Variants in RUNX3 observed in about 807,000 individuals in gnomAD.
RUNX3 encodes runt-related transcription factor 3.
Under a neutral mutation model 27.7 loss-of-function variants are expected in RUNX3, and 10 were observed. The ratio of observed to expected loss-of-function variants is 0.36; its 90% confidence interval spans 0.22 to 0.61. The LOEUF (loss-of-function observed/expected upper bound fraction) is 0.61. Among genes scored for constraint, RUNX3 ranks in the 20% least tolerant of loss-of-function variants. RUNX3 has a pLI of 0.72. For missense variants in RUNX3, 469 were observed against 629.5 expected (o/e 0.75, Z 2.73); for synonymous variants, 270 against 269.2 (o/e 1.00, Z -0.03).
rs1255331098 is a variant in RUNX3 at position 24,916,471 on chromosome 1, TG to T, written c.544+2768del. Among the ~76,000 whole-genome samples, 1 of 152,174 alleles carries T rather than the reference TG, an allele frequency of 6.6e-6. No individual in the cohort carries two copies. Among genetic ancestry groups the T allele is most frequent in the Non-Finnish European group, 1.5e-5 (1 of 68,026 alleles). On this transcript the variant is annotated intron_variant, in intron 3 of 4. Coordinates refer to ENST00000308873, the MANE Select transcript of RUNX3 (RefSeq NM_004350.3). The surrounding 1 kb of genome is among the most constrained non-coding windows in gnomAD (Gnocchi z 4.8). ...TTGCGCCCTGGCCTCTATCCTCTCC[TG>T]GGGTTGCCCAAGAGATCAGTTACTG...
At chr1:24,957,709 C>T (rs756378591) in intron 2 of RUNX3, among the ~76,000 whole-genome samples, 4 of 152,186 alleles carry the variant, frequency 2.6e-5, no homozygotes, top group African/African-American at 7.2e-5. Flanking sequence ...TTGTCTGTGC[C>T]GGGCCCTGTG....
intron 2 of RUNX3, among the ~76,000 whole-genome samples, chr1:24,953,938 G>A (rs1164856121): frequency 6.6e-6 from 1 of 151,974 alleles, no homozygotes; most frequent in Non-Finnish European, 1.5e-5. Flanking sequence ...TTGGAGACCA[G>A]GTCTTGCTCT....
At chr1:24,922,740 A>C (rs1641022574) in intron 2 of RUNX3, among the ~76,000 whole-genome samples, 3 of 150,730 alleles carry the variant, frequency 2.0e-5, no homozygotes, top group African/African-American at 7.4e-5. Context: ...TGTTCTGAGA[A>C]AGGTGTGCGG....
chr1:24,950,288 A>T (rs1641724436), intron 2 of RUNX3, among the ~76,000 whole-genome samples: 1 of 152,162 alleles, frequency 6.6e-6, no homozygotes, highest in African/African-American at 2.4e-5. Context: ...ACCCTCACAG[A>T]TGCTCAGGGG....
At chr1:24,951,635 C>T (rs957976633) in intron 2 of RUNX3, among the ~76,000 whole-genome samples, 1 of 152,164 alleles carries the variant, frequency 6.6e-6, no homozygotes, top group Non-Finnish European at 1.5e-5. Context: ...CTCGTGGGGG[C>T]ACCACCAGCT....
Position 24,902,002 on chromosome 1 carries a change from G to T in RUNX3, c.*120C>A. ...GCTCCCACCAGCTGGGACCACCCTGGGACCGAGACCACCCTGGAGCGCAGG... is the reference window on the plus strand; with the variant it reads ...GCTCCCACCAGCTGGGACCACCCTGTGACCGAGACCACCCTGGAGCGCAGG... On this transcript the variant is annotated 3_prime_UTR_variant, in exon 5 of 5. Coordinates refer to ENST00000308873, the MANE Select transcript of RUNX3 (RefSeq NM_004350.3). The surrounding 1 kb of genome is among the most constrained non-coding windows in gnomAD (Gnocchi z 9.2). 2.1e-6 allele frequency: 2 copies of T among 956,074 alleles called. No individual in the cohort carries two copies. The highest frequency in any genetic ancestry group is 1.5e-6 in the Non-Finnish European group (1 of 662,116). 59.2% of individuals were successfully genotyped at this position (956,074 alleles called of 1,614,324 possible). A position where few individuals can be genotyped will look rare whatever the true frequency, so the allele number is the denominator to read the frequency against.
At chr1:24,914,805 G>T (rs368894396) in intron 3 of RUNX3, among the ~76,000 whole-genome samples, 18 of 152,140 alleles carry the variant, frequency 1.2e-4, no homozygotes, top group African/African-American at 4.3e-4. Flanking sequence ...CCCAACTGCG[G>T]GCTCAGGGTC....
intron 1 of RUNX3, chr1:24,929,374 A>C: frequency 1.4e-6 from 1 of 702,794 alleles, no homozygotes; most frequent in Non-Finnish European, 2.6e-6. Flanking sequence ...GGAGCGGGGC[A>C]ACCCCGTTAA....
intron 3 of RUNX3, among the ~76,000 whole-genome samples, chr1:24,908,832 G>C (rs1038009828): frequency 6.6e-6 from 1 of 152,200 alleles, no homozygotes; most frequent in African/African-American, 2.4e-5. Flanking sequence ...CCCAGGAGGG[G>C]ACTGCAGGCT....
Position 24,962,883 on chromosome 1 carries a change from C to G in RUNX3, c.58+1631G>C, listed in dbSNP as rs1642155427. On this transcript the variant is annotated intron_variant, in intron 2 of 6. Coordinates refer to the RUNX3 transcript ENST00000338888. This position sits in a 1 kb window ranked among gnomAD's most constrained non-coding sequence, Gnocchi z 4.5. ...CTCCCAAGGTTCCTTTGTTTTAAACCCTACATTTCTCCATCTTGCGCACGG... is the reference window on the plus strand; with the variant it reads ...CTCCCAAGGTTCCTTTGTTTTAAACGCTACATTTCTCCATCTTGCGCACGG... 1 of 152,184 alleles carries G rather than the reference C, an allele frequency of 6.6e-6. No homozygotes were observed. Among genetic ancestry groups the G allele is most frequent in the African/African-American group, 2.4e-5 (1 of 41,428 alleles). 9.4% of individuals were successfully genotyped at this position (152,184 alleles called of 1,614,324 possible).
intron 2 of RUNX3, among the ~76,000 whole-genome samples, chr1:24,924,437 G>A (rs1228468050): frequency 6.9e-6 from 1 of 145,474 alleles, no homozygotes; most frequent in Admixed American, 6.9e-5. Context: ...GGTTTTTTTT[G>A]TACTTTTAAT....
intron 3 of RUNX3, 53 bp downstream of exon 3, chr1:24,919,187 G>T (rs16830167): frequency 3.4e-6 from 4 of 1,163,560 alleles, no homozygotes; most frequent in Non-Finnish European, 3.7e-6. Flanking sequence ...TGTCCTTCCC[G>T]CACTGGACCC....
At chr1:24,960,813 A>G (rs1486322721) in intron 2 of RUNX3, among the ~76,000 whole-genome samples, 1 of 152,182 alleles carries the variant, frequency 6.6e-6, no homozygotes, top group African/African-American at 2.4e-5. Context: ...ACTGAGGCCC[A>G]GAGAGAGGAA....
chr1:24,945,475 G>A (rs1557855553), intron 2 of RUNX3, among the ~76,000 whole-genome samples: 1 of 152,190 alleles, frequency 6.6e-6, no homozygotes, highest in Admixed American at 6.5e-5. Flanking sequence ...TTTCATAGCC[G>A]CTTCAATATG....
intron 2 of RUNX3, among the ~76,000 whole-genome samples, chr1:24,936,550 C>T (rs1340054545): frequency 2.0e-5 from 3 of 152,224 alleles, no homozygotes; most frequent in Admixed American, 6.5e-5. Context: ...ATCCCCATTT[C>T]TCAAATGACA....
At chr1:24,945,993 C>T (rs1349432187) in intron 2 of RUNX3, among the ~76,000 whole-genome samples, 1 of 152,124 alleles carries the variant, frequency 6.6e-6, no homozygotes, top group African/African-American at 2.4e-5. Flanking sequence ...AGCTCTTTGG[C>T]ATGGGGCTTC....
chr1:24,961,351 G>A (rs539948290), intron 2 of RUNX3: 1 of 152,402 alleles, frequency 6.6e-6, no homozygotes, highest in African/African-American at 2.4e-5. Flanking sequence ...AAGACAAAAG[G>A]GAAGTCATCT....
chr1:24,921,435 C>G (rs1322571208), intron 2 of RUNX3, among the ~76,000 whole-genome samples: 1 of 152,196 alleles, frequency 6.6e-6, no homozygotes, highest in African/African-American at 2.4e-5. Context: ...TCTCTGGAAG[C>G]CTTTTCCTAA....
intron 2 of RUNX3, among the ~76,000 whole-genome samples, chr1:24,941,223 C>T (rs2124337281): frequency 6.6e-6 from 1 of 152,252 alleles, no homozygotes; most frequent in East Asian, 1.9e-4. Context: ...AGCACGCTCC[C>T]CAAGCACTCC....
Sources: gnomAD v4.1 joint callset for allele counts (sites outside exome capture counted in the v4.1 genomes callset) on GRCh38, gnomAD v4.1.1 for gene constraint, Gnocchi (gnomAD v3.1) non-coding constraint, MANE v1.5 for transcripts, NCBI Gene and HGNC (gene_info 2026-07-23, HGNC 2026-07-21) for gene names.